The following TFF3 variants were observed in gnomAD, a reference collection of about 807,000 sequenced individuals.
The protein encoded by TFF3 is trefoil factor 3.
A neutral mutation model predicts 9.7 loss-of-function variants in TFF3; 6 were observed. The ratio of observed to expected loss-of-function variants is 0.62; its 90% CI spans 0.34 to 1.22. TFF3 has a LOEUF of 1.22. Among genes scored for constraint, TFF3 ranks in the 50% most tolerant of loss-of-function variants. The pLI is 0.04. For synonymous variants in TFF3, 48 were observed against 41.4 expected (o/e 1.16, Z -0.61); for missense variants, 93 against 98.6 (o/e 0.94, Z 0.24).
rs1229593662 is a variant in TFF3 at position 42,312,227 on chromosome 21, T to TC, written c.*28dup. On this transcript the variant is annotated 3_prime_UTR_variant, in exon 3 of 3. Transcript: ENST00000518498. ...GGGCAAGGGTGCTCCGAGCCTCGCA[T>TC]CCCCCGGCCGGGGGCAGCTGGAGGT... The TC allele has an allele frequency of 6.2e-7, 1 of 1,613,624 alleles. No individual in the cohort carries two copies. Among genetic ancestry groups the TC allele is most frequent in the African/African-American group, 1.3e-5 (1 of 74,908 alleles).
rs532709596 is a variant in TFF3 at position 42,312,112 on chromosome 21, G to A, written c.*144C>T. On this transcript the variant is annotated 3_prime_UTR_variant, in exon 3 of 3. Transcript: ENST00000518498. ...GGACCTTTATTCGTTAAGACATCAG[G>A]CTCCAGATATGAACTTTCAGCAGAA... 50 of 1,091,944 alleles carry A rather than the reference G, an allele frequency of 4.6e-5. No individual in the cohort carries two copies. The highest frequency in any genetic ancestry group is 3.9e-4 in the Middle Eastern group (2 of 5,134). 67.6% of individuals were successfully genotyped at this position (1,091,944 alleles called of 1,614,324 possible). A position where few individuals can be genotyped will look rare whatever the true frequency, so the allele number is the denominator to read the frequency against.
Position 42,311,920 on chromosome 21 carries a change from CA to C in TFF3, c.*335del. ...TGTGACGTGGGTGCCAGTCTGGATT[CA>C]AAATATCCTTGCATGCACTGCAGCT... On this transcript the variant is annotated 3_prime_UTR_variant, in exon 3 of 3. Coordinates refer to ENST00000518498, the MANE Select transcript of TFF3 (RefSeq NM_003226.4). The C allele has an allele frequency of 3.8e-6, 2 of 526,586 alleles. No homozygotes were observed. Among genetic ancestry groups the C allele is most frequent in the African/African-American group, 3.8e-5 (2 of 51,956 alleles). 32.6% of individuals were successfully genotyped at this position (526,586 alleles called of 1,614,324 possible). A position where few individuals can be genotyped will look rare whatever the true frequency, so the allele number is the denominator to read the frequency against.
At position 42,313,135 on chromosome 21, in the gene TFF3, G is replaced by A. The variant is rs1601479389; in HGVS notation, c.229+350C>T. Among the ~76,000 whole-genome samples, 2 of 152,142 alleles carry A rather than the reference G, an allele frequency of 1.3e-5. No individual in the cohort carries two copies. The highest frequency in any genetic ancestry group is 2.9e-5 in the Non-Finnish European group (2 of 68,010). ...TGCCACAAATGACAAGACTCTGGGG[G>A]GCCGATTTGCAAAAACAGCCCAAAA... On this transcript the variant is annotated intron_variant, in intron 2 of 2. Coordinates refer to ENST00000518498, the MANE Select transcript of TFF3 (RefSeq NM_003226.4). This position sits in a 1 kb window ranked among gnomAD's most constrained non-coding sequence, Gnocchi z 4.0.
Position 42,315,289 on chromosome 21 carries a change from T to C in TFF3, c.82+4A>G. 1.2e-6 allele frequency: 2 copies of C among 1,612,740 alleles called. No individual in the cohort carries two copies. Among genetic ancestry groups the C allele is most frequent in the South Asian group, 2.2e-5 (2 of 91,056 alleles). ...GCCACCGGGGCAGTCAGGGCAGTACTCACACAGGCCCACGTACTCCTCAGC... is the reference window on the plus strand; with the variant it reads ...GCCACCGGGGCAGTCAGGGCAGTACCCACACAGGCCCACGTACTCCTCAGC... On this transcript the variant is annotated splice_donor_region_variant and intron_variant, in intron 1 of 2. Coordinates refer to ENST00000518498, the MANE Select transcript of TFF3 (RefSeq NM_003226.4).
At position 42,313,649 on chromosome 21, in the gene TFF3, C is replaced by A; in HGVS notation, c.83-18G>T. The A allele has an allele frequency of 6.3e-7, 1 of 1,599,558 alleles. No individual in the cohort carries two copies. The highest frequency in any genetic ancestry group is 2.3e-5 in the East Asian group (1 of 43,954). On this transcript the variant is annotated intron_variant, in intron 1 of 2. Transcript: ENST00000518498. The surrounding 1 kb of genome is among the most constrained non-coding windows in gnomAD (Gnocchi z 4.0). ...GTTTGCAGCTGTCCCAGACAAAGCC[C>A]TGTCAGCTGCCAGAGCCCTTGCTGG...
At position 42,313,639 on chromosome 21, in the gene TFF3, A is replaced by G; in HGVS notation, c.83-8T>C. The G allele has an allele frequency of 6.2e-7, 1 of 1,605,088 alleles. No individual in the cohort carries two copies. Reference sequence around the variant, plus strand: ...CGGCACACTGGTTTGCAGCTGTCCCAGACAAAGCCCTGTCAGCTGCCAGAG... The same window carrying G: ...CGGCACACTGGTTTGCAGCTGTCCCGGACAAAGCCCTGTCAGCTGCCAGAG... On this transcript the variant is annotated splice_region_variant and splice_polypyrimidine_tract_variant and intron_variant, in intron 1 of 2. Coordinates refer to ENST00000518498, the MANE Select transcript of TFF3 (RefSeq NM_003226.4). This position sits in a 1 kb window ranked among gnomAD's most constrained non-coding sequence, Gnocchi z 4.0.
chr21:42,312,167 G>A lies in TFF3; in HGVS notation c.*89C>T, dbSNP rs765235474. 6.4e-7 allele frequency: 1 copy of A among 1,574,422 alleles called. No individual in the cohort carries two copies. Among genetic ancestry groups the A allele is most frequent in the Non-Finnish European group, 8.7e-7 (1 of 1,143,916 alleles). On this transcript the variant is annotated 3_prime_UTR_variant, in exon 3 of 3. Coordinates refer to ENST00000518498, the MANE Select transcript of TFF3 (RefSeq NM_003226.4). ...TTGCCGGGAGCAAAGGGACAGAAAA[G>A]CTGAGATGAACAGTGCCTGGCAGCA...
chr21:42,314,514 G>A (rs560266447), intron 1 of TFF3, among the ~76,000 whole-genome samples: 2 of 152,310 alleles, frequency 1.3e-5, no homozygotes, highest in South Asian at 2.1e-4. Context: ...AATTAGCTGG[G>A]CATGGTGGTG....
At chr21:42,312,309 C>T (rs769578543) in intron 2 of TFF3, 40 bp from the exon 3 acceptor site, 27 of 1,565,616 alleles carry the variant, frequency 1.7e-5, no homozygotes, top group African/African-American at 1.4e-4. Flanking sequence ...AGTCTCTCTC[C>T]ACCCACGCTG....
At chr21:42,315,166 G>T in intron 1 of TFF3, 127 bp downstream of exon 1, 2 of 1,293,450 alleles carry the variant, frequency 1.5e-6, no homozygotes, top group Non-Finnish European at 1.0e-6. Flanking sequence ...CACTTCAAAG[G>T]GCTAGCGCAG....
rs991298611 is a variant in TFF3 at position 42,315,187 on chromosome 21, A to G, written c.82+106T>C. On this transcript the variant is annotated intron_variant, in intron 1 of 2. Coordinates refer to ENST00000518498, the MANE Select transcript of TFF3 (RefSeq NM_003226.4). Reference sequence around the variant, plus strand: ...AAAGGGCTAGCGCAGGAAAAAGTGTATATGTGACAGGTGGCCATTATTAAA... The same window carrying G: ...AAAGGGCTAGCGCAGGAAAAAGTGTGTATGTGACAGGTGGCCATTATTAAA... 69 of 1,411,934 alleles carry G rather than the reference A, an allele frequency of 4.9e-5. No individual in the cohort carries two copies. In the Middle Eastern group the frequency reaches 7.6e-4, roughly 16 times the overall value. 87.5% of individuals were successfully genotyped at this position (1,411,934 alleles called of 1,614,324 possible).
At position 42,312,233 on chromosome 21, in the gene TFF3, G is replaced by A. The variant is rs185106245; in HGVS notation, c.*23C>T. On this transcript the variant is annotated 3_prime_UTR_variant, in exon 3 of 3. Transcript: ENST00000518498. ...GGGTGCTCCGAGCCTCGCATCCCCC[G>A]GCCGGGGGCAGCTGGAGGTGCCTCA... is the stretch of plus-strand genomic sequence containing the variant. 547 of 1,613,726 alleles carry A rather than the reference G, an allele frequency of 3.4e-4. No homozygotes were observed. The highest frequency in any genetic ancestry group is 4.2e-4 in the Non-Finnish European group (500 of 1,179,870).
rs2069342822 is a variant in TFF3 at position 42,313,577 on chromosome 21, TG to T, written c.136del (p.His46MetfsTer78). 4 of 1,611,086 alleles carry T rather than the reference TG, an allele frequency of 2.5e-6. No individual in the cohort carries two copies. Among genetic ancestry groups the T allele is most frequent in the Non-Finnish European group, 3.4e-6 (4 of 1,179,590 alleles). On this transcript the variant is annotated frameshift_variant, in exon 2 of 3. Transcript: ENST00000518498. LOFTEE classifies it high-confidence loss of function. This position sits in a 1 kb window ranked among gnomAD's most constrained non-coding sequence, Gnocchi z 4.0. Reference sequence around the variant, plus strand: ...GTTGTTGCACTCCTTGGGGGTGACATGGGGGTAGCCGCAGTCCACCCTGTCC... The same window carrying T: ...GTTGTTGCACTCCTTGGGGGTGACATGGGGTAGCCGCAGTCCACCCTGTCC... The part of the protein sequence containing the change: ...AKDRVDCGYP[H>X]VTPKECNNRG...
rs887814064 is a variant in TFF3 at position 42,314,422 on chromosome 21, G to A, written c.83-791C>T. ...TAATTCCAGCACTTTGGGAGGCCAA[G>A]GCAGGAGGATCACTTGAGGCCAGGA... On this transcript the variant is annotated intron_variant, in intron 1 of 2. Transcript: ENST00000518498. Among the ~76,000 whole-genome samples, 5 of 152,166 alleles carry A rather than the reference G, an allele frequency of 3.3e-5. No individual in the cohort carries two copies. In the East Asian group the frequency reaches 9.6e-4, roughly 29 times the overall value.
In TFF3 at chr21:42,312,228, C is replaced by A; in HGVS notation, c.*28G>T. The stretch of plus-strand genomic sequence containing the variant: ...GGCAAGGGTGCTCCGAGCCTCGCAT[C>A]CCCCGGCCGGGGGCAGCTGGAGGTG... On this transcript the variant is annotated 3_prime_UTR_variant, in exon 3 of 3. Coordinates refer to ENST00000518498, the MANE Select transcript of TFF3 (RefSeq NM_003226.4). 1 of 1,613,676 alleles carries A rather than the reference C, an allele frequency of 6.2e-7. No individual in the cohort carries two copies. Among genetic ancestry groups the A allele is most frequent in the African/African-American group, 1.3e-5 (1 of 75,040 alleles).
Position 42,313,628 on chromosome 21 carries a change from G to A in TFF3, c.86C>T (p.Ala29Val). Residue 29 changes from alanine to valine, a missense_variant, in exon 2 of 3, where the codon GCA becomes GTA. Ala to Val is a moderately conservative substitution (Grantham distance 64). Coordinates refer to ENST00000518498, the MANE Select transcript of TFF3 (RefSeq NM_003226.4). This position sits in a 1 kb window ranked among gnomAD's most constrained non-coding sequence, Gnocchi z 4.0. ...CTTGGCTGGCACGGCACACTGGTTT[G>A]CAGCTGTCCCAGACAAAGCCCTGTC... The part of the protein sequence containing the change: ...SSAEEYVGLS[A>V]NQCAVPAKDR... 3 of 1,609,018 alleles carry A rather than the reference G, an allele frequency of 1.9e-6. No homozygotes were observed. Among genetic ancestry groups the A allele is most frequent in the Non-Finnish European group, 2.5e-6 (3 of 1,178,522 alleles).
rs376227388 is a variant in TFF3 at position 42,312,239 on chromosome 21, G to A, written c.*17C>T. On this transcript the variant is annotated 3_prime_UTR_variant, in exon 3 of 3. Transcript: ENST00000518498. Reference sequence around the variant, plus strand: ...TCCGAGCCTCGCATCCCCCGGCCGGGGGCAGCTGGAGGTGCCTCAGAAGGT... The same window carrying A: ...TCCGAGCCTCGCATCCCCCGGCCGGAGGCAGCTGGAGGTGCCTCAGAAGGT... 1.2e-6 allele frequency: 2 copies of A among 1,613,446 alleles called. No individual in the cohort carries two copies. The highest frequency in any genetic ancestry group is 1.6e-4 in the Middle Eastern group (1 of 6,078).
intron 1 of TFF3, 51 bp downstream of exon 1, chr21:42,315,242 C>G: frequency 1.3e-6 from 2 of 1,583,368 alleles, no homozygotes; most frequent in Non-Finnish European, 1.7e-6. Context: ...TATCCTGGAT[C>G]CCTTCCCTTC....
Position 42,313,425 on chromosome 21 carries a change from G to A in TFF3, c.229+60C>T. 6.5e-7 allele frequency: 1 copy of A among 1,544,614 alleles called. No individual in the cohort carries two copies. Among genetic ancestry groups the A allele is most frequent in the South Asian group, 1.2e-5 (1 of 83,218 alleles). ...TCTCCAGCCCAGAAAGGACAGGGAGGCCCTGAGACCCCCTGCCTTATGGGG... is the reference window on the plus strand; with the variant it reads ...TCTCCAGCCCAGAAAGGACAGGGAGACCCTGAGACCCCCTGCCTTATGGGG... On this transcript the variant is annotated intron_variant, in intron 2 of 2. Coordinates refer to ENST00000518498, the MANE Select transcript of TFF3 (RefSeq NM_003226.4). This position sits in a 1 kb window ranked among gnomAD's most constrained non-coding sequence, Gnocchi z 4.0.
Sources: allele counts gnomAD v4.1 joint callset (sites outside exome capture counted in the v4.1 genomes callset), GRCh38; gene constraint gnomAD v4.1.1; non-coding constraint Gnocchi (gnomAD v3.1); transcripts MANE v1.5; gene names NCBI Gene and HGNC (gene_info 2026-07-23, HGNC 2026-07-21).